RERE: variants seen among roughly 807,000 people sequenced by gnomAD.
RERE encodes the protein arginine-glutamic acid dipeptide repeats.
In RERE, 40 loss-of-function variants were observed where a neutral mutation model predicts 146.1. That is an observed-to-expected ratio of 0.27 (90% CI 0.21 to 0.36). The LOEUF (loss-of-function observed/expected upper bound fraction) is 0.36. Ranked by LOEUF, RERE falls within the 10% of genes least tolerant of loss-of-function variation. The pLI is 1.00. For synonymous variants in RERE, 1,003 were observed against 866.0 expected, an observed-to-expected ratio of 1.16 and a Z score of -2.78; for missense variants, 1,933 against 2,138.7, an observed-to-expected ratio of 0.90 and a Z score of 1.90.
chr1:8,407,479 T>C (rs772997624), intron 12 of RERE, among the ~76,000 whole-genome samples: 5 of 151,472 alleles, frequency 3.3e-5, no homozygotes, highest in African/African-American at 4.9e-5. Flanking sequence ...AAAATTCCAC[T>C]TTTTTTTTCT....
intron 15 of RERE, 135 bp downstream of exon 15, chr1:8,363,921 G>A (rs760557700): frequency 7.5e-6 from 6 of 794,750 alleles, no homozygotes; most frequent in East Asian, 2.7e-5. Flanking sequence ...CTACCGCCTC[G>A]GGCAAAGCAG....
intron 1 of RERE, among the ~76,000 whole-genome samples, chr1:8,780,753 T>C (rs960903110): frequency 6.6e-6 from 1 of 152,192 alleles, no homozygotes; most frequent in African/African-American, 2.4e-5. Context: ...TATTGTAATC[T>C]TACTATATCT....
intron 1 of RERE, among the ~76,000 whole-genome samples, chr1:8,690,394 G>T (rs980249231): frequency 3.9e-5 from 6 of 152,150 alleles, no homozygotes; most frequent in Admixed American, 2.0e-4. Flanking sequence ...TATAGCACTT[G>T]GGGAACGGAA....
intron 1 of RERE, among the ~76,000 whole-genome samples, chr1:8,732,908 G>A (rs1640120379): frequency 2.4e-5 from 3 of 126,838 alleles, no homozygotes; most frequent in African/African-American, 5.8e-5. Context: ...TGCAAGCTCC[G>A]CCTCCCGGGT....
chr1:8,796,969 T>TA (rs2124584258), intron 1 of RERE, among the ~76,000 whole-genome samples: 1 of 152,172 alleles, frequency 6.6e-6, no homozygotes, highest in Non-Finnish European at 1.5e-5. Flanking sequence ...ACTTAGCCAG[T>TA]GATAGGACCT....
intron 1 of RERE, among the ~76,000 whole-genome samples, chr1:8,790,712 T>A (rs1641349153): frequency 6.6e-6 from 1 of 152,160 alleles, no homozygotes; most frequent in Non-Finnish European, 1.5e-5. Context: ...GCCTCCCGAG[T>A]AGCTGGGATT....
intron 1 of RERE, among the ~76,000 whole-genome samples, chr1:8,700,824 G>A (rs981554760): frequency 6.6e-6 from 1 of 152,052 alleles, no homozygotes; most frequent in African/African-American, 2.4e-5. Flanking sequence ...CGGCTTCTCA[G>A]CCTACACAAT....
At chr1:8,772,360 T>G (rs1040050356) in intron 1 of RERE, among the ~76,000 whole-genome samples, 1 of 152,114 alleles carries the variant, frequency 6.6e-6, no homozygotes, top group Non-Finnish European at 1.5e-5. Context: ...AAGTAAAATC[T>G]TACAAAGTAA....
chr1:8,357,809 CTCCCTCAGCCACCCT>C (rs1641355512), intron 20 of RERE, among the ~76,000 whole-genome samples: 1 of 152,258 alleles, frequency 6.6e-6, no homozygotes, highest in African/African-American at 2.4e-5. Context: ...GCTTTTCATT[CTCCCTCAGCCACCCT>C]TGAGTAGCCC....
chr1:8,564,826 ATGTGTATGTG>A lies in RERE; in HGVS notation c.523-7313_523-7304del, dbSNP rs767571399. ...TGTGTGTGTATGTATGTGTGTGTAT[ATGTGTATGTG>A]TGTGTGTGTGTGTGTGTGTGTGTGT... On this transcript the variant is annotated intron_variant, in intron 4 of 22. Coordinates refer to ENST00000400908, the MANE Select transcript of RERE (RefSeq NM_001042681.2). 7.0e-3 allele frequency among the ~76,000 whole-genome samples: 824 copies of A among 117,932 alleles called. 6 individuals carry two copies. Among genetic ancestry groups the A allele is most frequent in the Non-Finnish European group, 0.011 (654 of 57,594 alleles). 77.4% of individuals were successfully genotyped at this position (117,932 alleles called of 152,430 possible). A position where few individuals can be genotyped will look rare whatever the true frequency, so the allele number is the denominator to read the frequency against.
intron 11 of RERE, among the ~76,000 whole-genome samples, chr1:8,460,214 T>C (rs1037604763): frequency 6.6e-6 from 1 of 152,182 alleles, no homozygotes; most frequent in Non-Finnish European, 1.5e-5. Flanking sequence ...CACATTCAGA[T>C]GCCTAGCTTG....
At chr1:8,550,599 T>C (rs769798038) in intron 6 of RERE, among the ~76,000 whole-genome samples, 1 of 152,164 alleles carries the variant, frequency 6.6e-6, no homozygotes, top group Non-Finnish European at 1.5e-5. Flanking sequence ...CAGGCTGGAG[T>C]GCAGTGGCAC....
In RERE at chr1:8,540,535, A is replaced by G. The variant is rs564329601; in HGVS notation, c.830+679T>C. Among the ~76,000 whole-genome samples, 77 of 152,344 alleles carry G rather than the reference A, an allele frequency of 5.1e-4. 2 individuals are homozygous for G. The highest frequency in any genetic ancestry group is 1.6e-3 in the African/African-American group (65 of 41,584). On this transcript the variant is annotated intron_variant, in intron 7 of 22. Coordinates refer to ENST00000400908, the MANE Select transcript of RERE (RefSeq NM_001042681.2). The stretch of plus-strand genomic sequence containing the variant: ...AAAATCCTTAATAAAATATGCAGTC[A>G]CATGATCAATACAGGGCAAGTATGA...
At chr1:8,466,780 C>G (rs1395937048) in intron 10 of RERE, among the ~76,000 whole-genome samples, 3 of 152,138 alleles carry the variant, frequency 2.0e-5, no homozygotes, top group Non-Finnish European at 4.4e-5. Flanking sequence ...CAAAGCTAAT[C>G]AACTTTTCTC....
chr1:8,687,132 A>G (rs991416851), intron 1 of RERE, among the ~76,000 whole-genome samples: 1 of 152,204 alleles, frequency 6.6e-6, no homozygotes, highest in Non-Finnish European at 1.5e-5. Flanking sequence ...TTAAGATTGG[A>G]GAAAAGCGGC....
At chr1:8,542,242 G>A (rs899803645) in intron 6 of RERE, among the ~76,000 whole-genome samples, 1 of 152,068 alleles carries the variant, frequency 6.6e-6, no homozygotes, top group Non-Finnish European at 1.5e-5. Flanking sequence ...GAAGCCAAAG[G>A]CTACAGTGAG....
At chr1:8,734,970 T>A (rs1436370162) in intron 1 of RERE, among the ~76,000 whole-genome samples, 2 of 152,178 alleles carry the variant, frequency 1.3e-5, no homozygotes, top group Non-Finnish European at 1.5e-5. Context: ...ATTTAAATTA[T>A]TTATTATTTG....
intron 12 of RERE, among the ~76,000 whole-genome samples, chr1:8,400,329 C>T (rs1285564250): frequency 6.6e-6 from 1 of 151,724 alleles, no homozygotes; most frequent in Non-Finnish European, 1.5e-5. Flanking sequence ...TCATAGCTCA[C>T]TATAACTTGA....
intron 11 of RERE, among the ~76,000 whole-genome samples, chr1:8,451,799 C>T (rs1320036330): frequency 6.6e-6 from 1 of 152,156 alleles, no homozygotes; most frequent in African/African-American, 2.4e-5. Flanking sequence ...TTCAAGTTCT[C>T]CCGATGACTC....
Sources: allele counts gnomAD v4.1 joint callset (sites outside exome capture counted in the v4.1 genomes callset), GRCh38; gene constraint gnomAD v4.1.1; transcripts MANE v1.5; gene names NCBI Gene and HGNC (gene_info 2026-07-23, HGNC 2026-07-21).